The following YLPM1 variants were observed in gnomAD, a reference collection of about 807,000 sequenced individuals.
YLPM1 encodes YLP motif containing 1, also known as YLP motif-containing protein 1.
A neutral mutation model predicts 230.0 loss-of-function variants in YLPM1; 99 were observed. The observed-to-expected ratio is 0.43, with a 90% CI of 0.37 to 0.51. The LOEUF is 0.51. Ranked by LOEUF, YLPM1 falls within the 20% of genes least tolerant of loss-of-function variation. YLPM1 has a pLI of 0.00. For missense variants in YLPM1, 2,592 were observed against 2,707.7 expected (o/e 0.96, Z 0.95); for synonymous variants, 984 against 942.5 (o/e 1.04, Z -0.81).
chr14:74,830,952 A>T (rs1395237645), intron 19 of YLPM1, among the ~76,000 whole-genome samples: 2 of 152,232 alleles, frequency 1.3e-5, no homozygotes, highest in African/African-American at 2.4e-5. Flanking sequence ...TAATGTCTTT[A>T]CTGATGGATG....
chr14:74,798,613 G>A lies in YLPM1; in HGVS notation c.3316G>A (p.Ala1106Thr), dbSNP rs1351641792. Residue 1106 changes from alanine (A) to threonine (T), a missense_variant, in exon 5 of 21, where the codon GCT becomes ACT. Physicochemically the swap from Ala to Thr is moderately conservative, Grantham distance 58. Around this residue, in one of 4 missense-constraint regions of YLPM1, gnomAD observed 1,862 missense variants for 1,819.8 expected, o/e 1.02. Transcript: ENST00000325680. ...GLQGSQDRGA[A>T]GSRERGPPRR... ...TCAAGGGAGCCAGGACAGGGGTGCA[G>A]CTGGCAGCCGAGAAAGGGGACCACC... 1.2e-6 allele frequency: 2 copies of A among 1,612,326 alleles called. No individual in the cohort carries two copies. Among genetic ancestry groups the A allele is most frequent in the Admixed American group, 3.3e-5 (2 of 59,918 alleles).
chr14:74,813,005 A>T (rs2091448995), intron 11 of YLPM1, among the ~76,000 whole-genome samples: 1 of 152,234 alleles, frequency 6.6e-6, no homozygotes, highest in South Asian at 2.1e-4. Context: ...GTTGAATTTT[A>T]AAACATATTA....
intron 1 of YLPM1, among the ~76,000 whole-genome samples, chr14:74,769,383 C>T (rs1354904886): frequency 6.8e-6 from 1 of 146,910 alleles, no homozygotes; most frequent in Non-Finnish European, 1.5e-5. Context: ...AACAATTCTC[C>T]TGCCTCAGCC....
chr14:74,773,015 C>T lies in YLPM1; in HGVS notation c.874-5432C>T, dbSNP rs1204761027. On this transcript the variant is annotated intron_variant, in intron 1 of 20. Coordinates refer to ENST00000325680, the MANE Select transcript of YLPM1 (RefSeq NM_019589.3). ...AATTGACCTACAAGGCGGCCGGGCA[C>T]GGTGGCTCACGCCTGTAATCCCAGC... Among the ~76,000 whole-genome samples the T allele has an allele frequency of 8.6e-5, 13 of 151,776 alleles. No homozygotes were observed. In the South Asian group the frequency reaches 1.7e-3, roughly 19 times the overall value.
At chr14:74,789,606 CTTT>C (rs145215430) in intron 4 of YLPM1, among the ~76,000 whole-genome samples, 6 of 125,554 alleles carry the variant, frequency 4.8e-5, no homozygotes, top group South Asian at 2.6e-4. Context: ...TCTTTCTTTT[CTTT>C]TTTTTTTTTT....
chr14:74,796,554 T>C (rs1187035212), intron 4 of YLPM1, among the ~76,000 whole-genome samples: 2 of 152,228 alleles, frequency 1.3e-5, no homozygotes, highest in Non-Finnish European at 2.9e-5. Context: ...ACTTAGATTA[T>C]CTTTATATTT....
chr14:74,829,052 A>G (rs542617768), intron 18 of YLPM1, among the ~76,000 whole-genome samples, 161 bp from the exon 19 acceptor site: 1 of 152,324 alleles, frequency 6.6e-6, no homozygotes, highest in East Asian at 1.9e-4. Flanking sequence ...AGAACTTGAT[A>G]TTATCTCAGC....
At position 74,780,300 on chromosome 14, in the gene YLPM1, G is replaced by A. The variant is rs2091080284; in HGVS notation, c.1111-105G>A. 3.6e-6 allele frequency: 5 copies of A among 1,379,028 alleles called. No homozygotes were observed. In the Admixed American group the frequency reaches 7.9e-5, roughly 22 times the overall value. The allele number at this position is 1,379,028 out of a possible 1,614,324, so 85.4% of individuals were successfully genotyped here. ...CTGAAGATACTGTGTTTGACAGTTGGATATTTCTGAGTTGTAGGGATTCTG... is the reference window on the plus strand; with the variant it reads ...CTGAAGATACTGTGTTTGACAGTTGAATATTTCTGAGTTGTAGGGATTCTG... On this transcript the variant is annotated intron_variant, in intron 2 of 20. Coordinates refer to ENST00000325680, the MANE Select transcript of YLPM1 (RefSeq NM_019589.3).
In YLPM1 at chr14:74,836,058, C is replaced by T; in HGVS notation, c.*320C>T. The T allele has an allele frequency of 3.0e-6, 1 of 330,036 alleles. No homozygotes were observed. The highest frequency in any genetic ancestry group is 5.9e-6 in the Non-Finnish European group (1 of 168,402). 20.4% of individuals were successfully genotyped at this position (330,036 alleles called of 1,614,324 possible). A position where few individuals can be genotyped will look rare whatever the true frequency, so the allele number is the denominator to read the frequency against. On this transcript the variant is annotated 3_prime_UTR_variant, in exon 21 of 21. Coordinates refer to ENST00000325680, the MANE Select transcript of YLPM1 (RefSeq NM_019589.3). ...GTATTTCCTCCACTGTACAATGTCA[C>T]AGACTATCTCTATCATCATTGCTTT... is the stretch of plus-strand genomic sequence containing the variant.
intron 4 of YLPM1, among the ~76,000 whole-genome samples, chr14:74,784,018 G>T (rs545252399): frequency 2.0e-5 from 3 of 152,318 alleles, no homozygotes; most frequent in African/African-American, 4.8e-5. Flanking sequence ...TCTGTTTACT[G>T]CCATGATTCA....
intron 13 of YLPM1, 59 bp downstream of exon 13, chr14:74,816,749 G>C (rs1277918849): frequency 6.5e-7 from 1 of 1,534,676 alleles, no homozygotes; most frequent in Non-Finnish European, 8.8e-7. Flanking sequence ...AGGAAAATGT[G>C]TTTGGAGAGA....
chr14:74,818,381 A>T, intron 16 of YLPM1, 67 bp downstream of exon 16: 3 of 1,365,226 alleles, frequency 2.2e-6, no homozygotes, highest in Non-Finnish European at 3.0e-6. Context: ...ACTTTGAAAA[A>T]CTTAAAACCT....
At chr14:74,834,362 G>GTAA (rs1394452823) in intron 19 of YLPM1, among the ~76,000 whole-genome samples, 2 of 152,090 alleles carry the variant, frequency 1.3e-5, no homozygotes, top group Non-Finnish European at 2.9e-5. Context: ...ATGAATGAAA[G>GTAA]TAATAATACC....
At chr14:74,794,539 T>G (rs1350052044) in intron 4 of YLPM1, among the ~76,000 whole-genome samples, 1 of 152,114 alleles carries the variant, frequency 6.6e-6, no homozygotes, top group African/African-American at 2.4e-5. Context: ...ACACCTAACA[T>G]GAGACATTTA....
At chr14:74,829,056 T>C (rs572531624) in intron 18 of YLPM1, among the ~76,000 whole-genome samples, 157 bp from the exon 19 acceptor site, 1 of 152,162 alleles carries the variant, frequency 6.6e-6, no homozygotes, top group Non-Finnish European at 1.5e-5. Flanking sequence ...CTTGATATTA[T>C]CTCAGCCAAG....
intron 19 of YLPM1, among the ~76,000 whole-genome samples, chr14:74,834,743 T>A (rs533581514): frequency 1.3e-5 from 2 of 152,292 alleles, no homozygotes; most frequent in African/African-American, 4.8e-5. Context: ...GTATTGTTTG[T>A]ATAAAATGCC....
At chr14:74,802,087 G>A (rs919871074) in intron 5 of YLPM1, among the ~76,000 whole-genome samples, 2 of 151,956 alleles carry the variant, frequency 1.3e-5, no homozygotes, top group African/African-American at 4.8e-5. Context: ...GCGCGGTGGT[G>A]CATGCCTGTA....
At chr14:74,802,939 A>C (rs1384774939) in intron 6 of YLPM1, among the ~76,000 whole-genome samples, 1 of 152,094 alleles carries the variant, frequency 6.6e-6, no homozygotes, top group African/African-American at 2.4e-5. Flanking sequence ...AAAATGGTAG[A>C]ATTTTTCTAA....
chr14:74,766,156 C>T (rs2090909412), intron 1 of YLPM1, among the ~76,000 whole-genome samples: 1 of 152,140 alleles, frequency 6.6e-6, no homozygotes, highest in South Asian at 2.1e-4. Context: ...GCACCTAGGA[C>T]AGTGCCTTGC....
Sources: gnomAD v4.1 joint callset for allele counts (sites outside exome capture counted in the v4.1 genomes callset) on GRCh38, gnomAD v4.1.1 for gene constraint, gnomAD v4.1.1 regional missense constraint, MANE v1.5 for transcripts, NCBI Gene and HGNC (gene_info 2026-07-23, HGNC 2026-07-21) for gene names.